The following IFT27 variants were observed in gnomAD, a reference collection of about 807,000 sequenced individuals.
IFT27 encodes intraflagellar transport protein 27 homolog.
In IFT27, 19 loss-of-function variants were observed where a neutral mutation model predicts 23.9. The ratio of observed to expected loss-of-function variants is 0.79; its 90% CI spans 0.55 to 1.16. IFT27 has a LOEUF of 1.16. Ranked by LOEUF, IFT27 falls within the 50% of genes most tolerant of loss-of-function variation. The probability of loss-of-function intolerance (pLI) is 0.00; values close to 1 mark genes in which losing one functional copy is unlikely to be tolerated. For missense variants in IFT27, 206 were observed against 228.7 expected, an observed-to-expected ratio of 0.90 and a Z score of 0.64; for synonymous variants, 91 against 89.1, an observed-to-expected ratio of 1.02 and a Z score of -0.12.
At chr22:36,761,638 C>T (rs1177799361) in intron 6 of IFT27, 3 of 152,184 alleles carry the variant, frequency 2.0e-5, no homozygotes, top group South Asian at 2.1e-4. Flanking sequence ...ATTTATTACT[C>T]GATAAGGGAT....
chr22:36,776,034 G>A lies in IFT27; in HGVS notation c.-327C>T, dbSNP rs773558648. ...CAGCCCCTCAGCACAGCCCTACCCA[G>A]AGGGTTCAAGGAAGGACGATCCGGC... On this transcript the variant is annotated 5_prime_UTR_variant, in exon 1 of 7. Transcript: ENST00000433985. The A allele has an allele frequency of 1.0e-4, 46 of 451,814 alleles. No homozygotes were observed. Among genetic ancestry groups the A allele is most frequent in the Non-Finnish European group, 1.7e-4 (41 of 245,754 alleles). 28.0% of individuals were successfully genotyped at this position (451,814 alleles called of 1,614,324 possible).
intron 4 of IFT27, among the ~76,000 whole-genome samples, chr22:36,765,782 G>A (rs577421031): frequency 6.6e-6 from 1 of 152,216 alleles, no homozygotes; most frequent in Non-Finnish European, 1.5e-5. Context: ...ACTTCCCAGA[G>A]GGGGAGGAGG....
At position 36,767,305 on chromosome 22, in the gene IFT27, C is replaced by T; in HGVS notation, c.174+1G>A. 1 of 1,613,550 alleles carries T rather than the reference C, an allele frequency of 6.2e-7. No homozygotes were observed. The highest frequency in any genetic ancestry group is 8.5e-7 in the Non-Finnish European group (1 of 1,179,626). On this transcript the variant is annotated splice_donor_variant, in intron 3 of 6. Coordinates refer to ENST00000433985, the MANE Select transcript of IFT27 (RefSeq NM_001177701.3). LOFTEE classifies it high-confidence loss of function. The stretch of plus-strand genomic sequence containing the variant: ...TTCCCCTGGGTAAAGGCATCACTCA[C>T]CACACTGTCTCCCGTGTCAGGAACT...
At chr22:36,761,478 T>C (rs1938089120) in intron 6 of IFT27, 1 of 152,204 alleles carries the variant, frequency 6.6e-6, no homozygotes, top group Non-Finnish European at 1.5e-5. Context: ...GCACAAGCCA[T>C]GAATACAAGG....
At chr22:36,761,043 G>A (rs1400240120) in intron 6 of IFT27, 1 of 159,256 alleles carries the variant, frequency 6.3e-6, no homozygotes, top group African/African-American at 2.4e-5. Context: ...TGCCAGCGGT[G>A]CTTCTGTGAG....
intron 6 of IFT27, chr22:36,758,998 C>A: frequency 6.5e-6 from 1 of 154,380 alleles, no homozygotes; most frequent in Non-Finnish European, 1.4e-5. Context: ...TGGAGCCAGC[C>A]TGGTGCTGTC....
intron 1 of IFT27, 30 bp from the exon 2 acceptor site, chr22:36,767,892 G>A (rs755736507): frequency 2.9e-5 from 46 of 1,563,578 alleles, no homozygotes; most frequent in Admixed American, 2.5e-4. Context: ...GAAAAAGAAC[G>A]CCTTAGTTCT....
At chr22:36,772,867 G>T (rs1938416931) in intron 1 of IFT27, 9 of 775,340 alleles carry the variant, frequency 1.2e-5, no homozygotes, top group Non-Finnish European at 1.4e-5. Context: ...TGTGGTGGGG[G>T]TGGGTGGACA....
At chr22:36,772,604 C>T (rs1182341444) in intron 1 of IFT27, 8 of 985,270 alleles carry the variant, frequency 8.1e-6, no homozygotes, top group South Asian at 9.4e-5. Flanking sequence ...ACTTTGTGTT[C>T]GCTGTGTTAG....
chr22:36,766,991 G>A (rs994219917), intron 3 of IFT27: 1 of 195,070 alleles, frequency 5.1e-6, no homozygotes, highest in Non-Finnish European at 1.0e-5. Flanking sequence ...CCTCTCTCTA[G>A]AAAAGCACAC....
Position 36,775,723 on chromosome 22 carries a change from C to T in IFT27, c.-16G>A, listed in dbSNP as rs1464813472. 10 of 1,613,750 alleles carry T rather than the reference C, an allele frequency of 6.2e-6. No individual in the cohort carries two copies. Among genetic ancestry groups the T allele is most frequent in the Non-Finnish European group, 7.6e-6 (9 of 1,179,986 alleles). Reference sequence around the variant, plus strand: ...GCTTCACCATGGTAACCAACACTCCCGCGAGCCGTACCCAGAGGACAAGAG... The same window carrying T: ...GCTTCACCATGGTAACCAACACTCCTGCGAGCCGTACCCAGAGGACAAGAG... On this transcript the variant is annotated 5_prime_UTR_variant, in exon 1 of 7. Transcript: ENST00000433985.
At chr22:36,763,086 C>T in intron 5 of IFT27, 73 bp from the exon 6 acceptor site, 1 of 1,139,224 alleles carries the variant, frequency 8.8e-7, no homozygotes, top group South Asian at 1.5e-5. Flanking sequence ...GAGATGAGAG[C>T]ACTATTTTTG....
At position 36,768,011 on chromosome 22, in the gene IFT27, G is replaced by C. The variant is rs774359453; in HGVS notation, c.35-149C>G. On this transcript the variant is annotated intron_variant, in intron 1 of 6. Transcript: ENST00000433985. ...TCACGGGAACTTGTTCTGAGGCCGC[G>C]GGCAGGGCACAGGTCCATGAGACTG... 6 of 752,130 alleles carry C rather than the reference G, an allele frequency of 8.0e-6. No individual in the cohort carries two copies. The South Asian group carries it at 8.5e-5, about 11-fold the overall frequency. 46.6% of individuals were successfully genotyped at this position (752,130 alleles called of 1,614,324 possible). A position where few individuals can be genotyped will look rare whatever the true frequency, so the allele number is the denominator to read the frequency against.
chr22:36,774,402 A>G (rs1938451758), intron 1 of IFT27, among the ~76,000 whole-genome samples: 1 of 152,222 alleles, frequency 6.6e-6, no homozygotes, highest in African/African-American at 2.4e-5. Context: ...CAACAGAAAC[A>G]CGAGTTAAGA....
At chr22:36,758,743 T>C in intron 6 of IFT27, 1 of 251,338 alleles carries the variant, frequency 4.0e-6, no homozygotes, top group South Asian at 5.0e-5. Flanking sequence ...CTTTCCTCAG[T>C]TTTGACTGAG....
chr22:36,762,887 C>G lies in IFT27; in HGVS notation c.462+17G>C. ...GCCCACTCCAGACTTGGCGACGAGG[C>G]AAGTGGAAATACTCACCACGGATGT... On this transcript the variant is annotated intron_variant, in intron 6 of 6. Coordinates refer to ENST00000433985, the MANE Select transcript of IFT27 (RefSeq NM_001177701.3). The G allele has an allele frequency of 6.6e-7, 1 of 1,516,902 alleles. No homozygotes were observed. Among genetic ancestry groups the G allele is most frequent in the African/African-American group, 1.4e-5 (1 of 72,414 alleles). 94.0% of individuals were successfully genotyped at this position (1,516,902 alleles called of 1,614,324 possible).
intron 1 of IFT27, among the ~76,000 whole-genome samples, chr22:36,775,244 G>T (rs1210397470): frequency 1.1e-5 from 1 of 90,556 alleles, no homozygotes; most frequent in Non-Finnish European, 2.5e-5. Context: ...CGTTATCAGA[G>T]GGGGTGAGGT....
chr22:36,773,586 G>A (rs747226763), intron 1 of IFT27, among the ~76,000 whole-genome samples: 16 of 150,258 alleles, frequency 1.1e-4, no homozygotes, highest in Non-Finnish European at 2.2e-4. Context: ...CCCAGGAGGT[G>A]GAGGTTGCAG....
chr22:36,768,004 A>C (rs1186863253), intron 1 of IFT27, 142 bp from the exon 2 acceptor site: 1 of 785,284 alleles, frequency 1.3e-6, no homozygotes, highest in South Asian at 1.4e-5. Flanking sequence ...ACTTGTTCTG[A>C]GGCCGCGGGC....
Sources: gnomAD v4.1 joint callset for allele counts (sites outside exome capture counted in the v4.1 genomes callset) on GRCh38, gnomAD v4.1.1 for gene constraint, MANE v1.5 for transcripts, NCBI Gene and HGNC (gene_info 2026-07-23, HGNC 2026-07-21) for gene names.